MACF1: variants seen among roughly 807,000 people sequenced by gnomAD.
MACF1 encodes the protein microtubule-actin cross-linking factor 1.
In MACF1, 193 loss-of-function variants were observed where a neutral mutation model predicts 854.8. The ratio of observed to expected loss-of-function variants is 0.23; its 90% CI spans 0.20 to 0.25. MACF1 has a LOEUF of 0.25. Among genes scored for constraint, MACF1 ranks in the 10% least tolerant of loss-of-function variants. The probability of loss-of-function intolerance (pLI) is 1.00; values close to 1 mark genes in which losing one functional copy is unlikely to be tolerated. For missense variants in MACF1, 7,722 were observed against 8,929.1 expected, an observed-to-expected ratio of 0.86 and a Z score of 5.45; for synonymous variants, 3,185 against 3,226.7, an observed-to-expected ratio of 0.99 and a Z score of 0.44.
At chr1:39,217,880 C>A (rs1175062588) in intron 1 of MACF1, among the ~76,000 whole-genome samples, 2 of 114,068 alleles carry the variant, frequency 1.8e-5, no homozygotes, top group African/African-American at 3.9e-5. Context: ...AAGACCCTGT[C>A]TCAAAAAAAA....
intron 78 of MACF1, among the ~76,000 whole-genome samples, 174 bp downstream of exon 78, chr1:39,443,085 T>G (rs573317549): frequency 6.6e-6 from 1 of 152,246 alleles, no homozygotes; most frequent in African/African-American, 2.4e-5. Context: ...GGTAGTTCTT[T>G]TCTGAATTCA....
At position 39,442,734 on chromosome 1, in the gene MACF1, G is replaced by A. The variant is rs769523847; in HGVS notation, c.19125G>A (p.Leu6375=). 4 of 1,613,714 alleles carry A rather than the reference G, an allele frequency of 2.5e-6. No individual in the cohort carries two copies. In the South Asian group the frequency reaches 4.4e-5, roughly 18 times the overall value. Reference sequence around the variant, plus strand: ...TTTAGGTCCTAAAAAATGATGTTTTGGCTCATCAAGCCACAGTGGAAACAG... The same window carrying A: ...TTTAGGTCCTAAAAAATGATGTTTTAGCTCATCAAGCCACAGTGGAAACAG... ...AKHHVLKNDV[L]AHQATVETVN... is the part of the protein sequence containing the mutation. The change falls in exon 78 of 101, where the codon TTG becomes TTA. Residue 6375 remains leucine, a synonymous_variant. Coordinates refer to ENST00000564288, the MANE Select transcript of MACF1 (RefSeq NM_001394062.1).
chr1:39,190,833 A>G (rs543389482), intron 2 of MACF1, among the ~76,000 whole-genome samples: 49 of 151,922 alleles, frequency 3.2e-4, no homozygotes, highest in African/African-American at 1.1e-3. Context: ...CGTCTCTACT[A>G]AAAATACAAA....
intron 2 of MACF1, among the ~76,000 whole-genome samples, chr1:39,152,580 C>G (rs1408003701): frequency 4.6e-5 from 7 of 152,150 alleles, no homozygotes; most frequent in Non-Finnish European, 8.8e-5. Flanking sequence ...GTGATGTTCT[C>G]CCACAGAATT....
Position 39,463,600 on chromosome 1 carries a change from C to A in MACF1, c.21679-12C>A. On this transcript the variant is annotated splice_polypyrimidine_tract_variant and intron_variant, in intron 93 of 100. Transcript: ENST00000564288. ...TACCCTTTACACTTTCCTTTTTGTT[C>A]ACACCCAATAGGTTACAAGACAAGT... 1 of 1,608,952 alleles carries A rather than the reference C, an allele frequency of 6.2e-7. No individual in the cohort carries two copies. The highest frequency in any genetic ancestry group is 1.1e-5 in the South Asian group (1 of 90,926).
At chr1:39,394,267 A>T (rs1349519655) in intron 58 of MACF1, among the ~76,000 whole-genome samples, 1 of 149,416 alleles carries the variant, frequency 6.7e-6, no homozygotes, top group Non-Finnish European at 1.5e-5. Flanking sequence ...TGATTGATTG[A>T]TTGATTGATT....
chr1:39,324,177 C>G lies in MACF1; in HGVS notation c.4237-16C>G. 1 of 1,576,784 alleles carries G rather than the reference C, an allele frequency of 6.3e-7. No individual in the cohort carries two copies. The highest frequency in any genetic ancestry group is 8.6e-7 in the Non-Finnish European group (1 of 1,165,160). ...AAGACATTGCTAGCATATTGATTTT[C>G]TATTTCCTATTCTAGAAAGTGGTAG... On this transcript the variant is annotated splice_polypyrimidine_tract_variant and intron_variant, in intron 33 of 100. Coordinates refer to ENST00000564288, the MANE Select transcript of MACF1 (RefSeq NM_001394062.1).
intron 2 of MACF1, among the ~76,000 whole-genome samples, chr1:39,235,356 G>A (rs1430722624): frequency 1.3e-5 from 2 of 152,256 alleles, no homozygotes; most frequent in Non-Finnish European, 2.9e-5. Flanking sequence ...CCAGTCAGGC[G>A]TGGTGGCGCG....
intron 58 of MACF1, among the ~76,000 whole-genome samples, chr1:39,402,314 A>C (rs1210773791): frequency 6.6e-6 from 1 of 152,164 alleles, no homozygotes; most frequent in Non-Finnish European, 1.5e-5. Flanking sequence ...ACTCTCAGTT[A>C]GTCCCAGGGG....
At chr1:39,421,329 G>A (rs951954988) in intron 58 of MACF1, among the ~76,000 whole-genome samples, 7 of 152,166 alleles carry the variant, frequency 4.6e-5, no homozygotes, top group Non-Finnish European at 1.0e-4. Context: ...CATGGTAAAC[G>A]TGGATAATAC....
intron 6 of MACF1, chr1:39,268,566 G>T (rs1571239999): frequency 8.5e-7 from 1 of 1,179,360 alleles, no homozygotes; most frequent in Admixed American, 3.8e-5. Context: ...GAGGGAGAAA[G>T]AATTGGAGGG....
At chr1:39,412,366 A>G (rs760073001) in intron 58 of MACF1, 9 of 1,613,964 alleles carry the variant, frequency 5.6e-6, no homozygotes, top group East Asian at 2.2e-5. Context: ...TCTGACATCA[A>G]TGGGAAATGT....
intron 72 of MACF1, among the ~76,000 whole-genome samples, 165 bp from the exon 73 acceptor site, chr1:39,440,838 T>G (rs1325411496): frequency 1.3e-5 from 2 of 152,182 alleles, no homozygotes; most frequent in East Asian, 3.8e-4. Flanking sequence ...ATTTTGTATA[T>G]ATGAAAAATA....
At chr1:39,345,765 A>G (rs1647031475) in intron 40 of MACF1, among the ~76,000 whole-genome samples, 1 of 152,102 alleles carries the variant, frequency 6.6e-6, no homozygotes, top group Non-Finnish European at 1.5e-5. Context: ...TATACTTTGC[A>G]AAACTTTTTT....
At chr1:39,147,216 C>G (rs1418570260) in intron 2 of MACF1, among the ~76,000 whole-genome samples, 2 of 151,028 alleles carry the variant, frequency 1.3e-5, no homozygotes, top group Non-Finnish European at 3.0e-5. Context: ...CTCACCTTCC[C>G]CTTTTCCCTT....
At chr1:39,305,975 TTG>T (rs972718697) in intron 23 of MACF1, among the ~76,000 whole-genome samples, 1 of 152,190 alleles carries the variant, frequency 6.6e-6, no homozygotes, top group African/African-American at 2.4e-5. Context: ...GCCTAACAGA[TTG>T]TGTGTTTGTT....
chr1:39,387,348 A>G lies in MACF1; in HGVS notation c.14506A>G (p.Asn4836Asp). 6.2e-7 allele frequency: 1 copy of G among 1,614,170 alleles called. No individual in the cohort carries two copies. The highest frequency in any genetic ancestry group is 8.5e-7 in the Non-Finnish European group (1 of 1,180,028). ...GCGGCTACAGTCTCAGCTACAGGAG[A>G]ATGAAGAGTTTCAGAAAAGTCTTAA... ...LERLQSQLQE[N>D]EEFQKSLNQH... The change falls in exon 58 of 101, where the codon AAT becomes GAT. Residue 4836 changes from asparagine (N) to aspartate (D), a missense_variant. By Grantham distance (23) the Asn-to-Asp change is conservative. Coordinates refer to ENST00000564288, the MANE Select transcript of MACF1 (RefSeq NM_001394062.1).
chr1:39,186,923 C>CT (rs1366677640), intron 2 of MACF1, among the ~76,000 whole-genome samples: 3 of 150,592 alleles, frequency 2.0e-5, no homozygotes, highest in African/African-American at 2.4e-5. Context: ...ATTTCTGTTT[C>CT]TTTTTTTTCT....
rs1055517301 is a variant in MACF1 at position 39,300,210 on chromosome 1, G to T, written c.2482G>T (p.Asp828Tyr). ...RLEDLLQDSM[D>Y]EKEQLIQSKS... is the part of the protein sequence containing the mutation. ...TTTTGTTTTTCTTATCATTTTGTAG[G>T]ATGAAAAGGAGCAGCTTATACAGTC... Residue 828 changes from aspartate (D) to tyrosine (Y), a missense_variant and splice_region_variant, in exon 22 of 101, where the codon GAT becomes TAT. Transcript: ENST00000564288. 6.2e-7 allele frequency: 1 copy of T among 1,609,878 alleles called. No homozygotes were observed.
Sources: allele counts gnomAD v4.1 joint callset (sites outside exome capture counted in the v4.1 genomes callset), GRCh38; gene constraint gnomAD v4.1.1; transcripts MANE v1.5; gene names NCBI Gene and HGNC (gene_info 2026-07-23, HGNC 2026-07-21).